SPATA6: variants seen among roughly 807,000 people sequenced by gnomAD.
SPATA6 encodes spermatogenesis associated 6, also known as spermatogenesis-associated protein 6.
In SPATA6, 56 loss-of-function variants were observed where a neutral mutation model predicts 65.3. The ratio of observed to expected loss-of-function variants is 0.86; its 90% CI spans 0.69 to 1.07. The LOEUF (loss-of-function observed/expected upper bound fraction) is 1.07, where lower values mean the gene tolerates loss of function less well. SPATA6 is among the 50% of genes least tolerant of loss of function. The probability of loss-of-function intolerance (pLI) is 0.00; values close to 1 mark genes in which losing one functional copy is unlikely to be tolerated. For synonymous variants in SPATA6, 199 were observed against 213.2 expected (o/e 0.93, Z 0.58); for missense variants, 590 against 594.8 (o/e 0.99, Z 0.08).
chr1:48,411,405 G>A (rs937089883), intron 5 of SPATA6, 59 bp downstream of exon 5: 27 of 1,546,734 alleles, frequency 1.7e-5, no homozygotes, highest in East Asian at 2.3e-5. Flanking sequence ...AGCACTATGC[G>A]GTGGTTTCTG....
intron 3 of SPATA6, among the ~76,000 whole-genome samples, chr1:48,428,608 A>G (rs1046062613): frequency 6.6e-6 from 1 of 152,188 alleles, no homozygotes; most frequent in African/African-American, 2.4e-5. Context: ...GAACATAAAC[A>G]TATTCATCAT....
At chr1:48,327,042 A>G (rs1218495849) in intron 11 of SPATA6, among the ~76,000 whole-genome samples, 2 of 152,162 alleles carry the variant, frequency 1.3e-5, no homozygotes, top group Non-Finnish European at 2.9e-5. Context: ...CAAAATATAT[A>G]ATCAACATAG....
chr1:48,289,884 C>G, the SPATA6 span, among the ~76,000 whole-genome samples: 1 of 152,154 alleles, frequency 6.6e-6, no homozygotes, highest in African/African-American at 2.4e-5. Flanking sequence ...ACTGGTGTAC[C>G]TGAAAGTGAC....
At chr1:48,302,487 G>A (rs562871553) in intron 12 of SPATA6, among the ~76,000 whole-genome samples, 2 of 152,272 alleles carry the variant, frequency 1.3e-5, no homozygotes, top group African/African-American at 4.8e-5. Context: ...ACTTGTCTTG[G>A]CTTCTCAGGG....
At chr1:48,266,468 T>A in the SPATA6 span, among the ~76,000 whole-genome samples, 1 of 152,178 alleles carries the variant, frequency 6.6e-6, no homozygotes, top group African/African-American at 2.4e-5. Flanking sequence ...TTCTACCTAA[T>A]TCACAAACGT....
In SPATA6 at chr1:48,343,923, A is replaced by T. The variant is rs1646289766; in HGVS notation, c.1194+11747T>A. ...GAAAATCCCCAGTTAATAACAGTAG[A>T]AAAATTAAATAACAATATAACTCAA... On this transcript the variant is annotated intron_variant, in intron 11 of 12. Transcript: ENST00000371847. 3.3e-5 allele frequency among the ~76,000 whole-genome samples: 5 copies of T among 152,160 alleles called. No individual in the cohort carries two copies. In the South Asian group the frequency reaches 1.0e-3, roughly 31 times the overall value.
chr1:48,299,218 A>G (rs1402178419), intron 12 of SPATA6, among the ~76,000 whole-genome samples: 1 of 152,122 alleles, frequency 6.6e-6, no homozygotes, highest in Non-Finnish European at 1.5e-5. Context: ...TATGGCCAGT[A>G]TAAGAATGCA....
At chr1:48,348,355 T>G (rs949566775) in intron 11 of SPATA6, among the ~76,000 whole-genome samples, 10 of 152,068 alleles carry the variant, frequency 6.6e-5, no homozygotes, top group African/African-American at 2.4e-4. Flanking sequence ...TTCATTTACA[T>G]CAGTATGGAC....
chr1:48,266,461 T>C, the SPATA6 span, among the ~76,000 whole-genome samples: 1 of 152,202 alleles, frequency 6.6e-6, no homozygotes, highest in Non-Finnish European at 1.5e-5. Context: ...ATCCCTGTTC[T>C]ACCTAATTCA....
chr1:48,278,629 AG>A, the SPATA6 span, among the ~76,000 whole-genome samples: 12 of 152,312 alleles, frequency 7.9e-5, no homozygotes, highest in African/African-American at 2.6e-4. Flanking sequence ...GGAAGTTTAG[AG>A]GAAAAAGAAC....
chr1:48,452,867 A>C (rs1437545363), intron 2 of SPATA6, 127 bp downstream of exon 2: 6 of 1,166,318 alleles, frequency 5.1e-6, no homozygotes, highest in Non-Finnish European at 6.9e-6. Flanking sequence ...TTAGGTTACA[A>C]ATGTCCTTTT....
At chr1:48,463,220 A>G (rs1206776270) in intron 1 of SPATA6, among the ~76,000 whole-genome samples, 1 of 152,206 alleles carries the variant, frequency 6.6e-6, no homozygotes, top group Non-Finnish European at 1.5e-5. Flanking sequence ...TCCCTATTAA[A>G]TAACTATATA....
intron 3 of SPATA6, among the ~76,000 whole-genome samples, chr1:48,450,781 CAT>C (rs1468303550): frequency 1.3e-5 from 2 of 152,178 alleles, no homozygotes; most frequent in Non-Finnish European, 2.9e-5. Context: ...TTCCAGGCTA[CAT>C]GTTTCTACAT....
chr1:48,454,299 A>C (rs548899629), intron 1 of SPATA6, among the ~76,000 whole-genome samples: 2 of 152,144 alleles, frequency 1.3e-5, no homozygotes, highest in South Asian at 2.1e-4. Context: ...TATATTTTTT[A>C]TTGTTCTCTT....
chr1:48,403,365 A>G (rs1024467716), intron 6 of SPATA6, among the ~76,000 whole-genome samples: 1 of 152,146 alleles, frequency 6.6e-6, no homozygotes, highest in Admixed American at 6.6e-5. Flanking sequence ...TCAAGAAACC[A>G]TACTCACTAA....
At chr1:48,376,270 G>A (rs1299733526) in intron 9 of SPATA6, among the ~76,000 whole-genome samples, 3 of 152,052 alleles carry the variant, frequency 2.0e-5, no homozygotes, top group Admixed American at 6.6e-5. Context: ...TTAAGCACTG[G>A]TCTGTTGATT....
intron 3 of SPATA6, among the ~76,000 whole-genome samples, chr1:48,419,548 T>C (rs1437123219): frequency 6.6e-6 from 1 of 152,146 alleles, no homozygotes; most frequent in African/African-American, 2.4e-5. Context: ...CTCCTAGAGA[T>C]GGCATGAGGA....
rs145159704 is a variant in SPATA6 at position 48,355,600 on chromosome 1, C to T, written c.1194+70G>A. The stretch of plus-strand genomic sequence containing the variant: ...CTTCCCGGTGACTAAATTTTGTAAG[C>T]TTTAGGCATCTTTGGTGGTTTTCTT... On this transcript the variant is annotated intron_variant, in intron 11 of 12. Coordinates refer to ENST00000371847, the MANE Select transcript of SPATA6 (RefSeq NM_019073.4). 34 of 1,092,168 alleles carry T rather than the reference C, an allele frequency of 3.1e-5. No individual in the cohort carries two copies. In the African/African-American group the frequency reaches 5.2e-4, roughly 17 times the overall value. 67.7% of individuals were successfully genotyped at this position (1,092,168 alleles called of 1,614,324 possible). A position where few individuals can be genotyped will look rare whatever the true frequency, so the allele number is the denominator to read the frequency against.
At chr1:48,416,464 T>C (rs1013330340) in intron 3 of SPATA6, among the ~76,000 whole-genome samples, 2 of 152,194 alleles carry the variant, frequency 1.3e-5, no homozygotes, top group Admixed American at 1.3e-4. Context: ...TACTCACATA[T>C]GTATGTGTGC....
Sources: allele counts gnomAD v4.1 joint callset (sites outside exome capture counted in the v4.1 genomes callset), GRCh38; gene constraint gnomAD v4.1.1; transcripts MANE v1.5; gene names NCBI Gene and HGNC (gene_info 2026-07-23, HGNC 2026-07-21).